ATXN10: variants seen among roughly 807,000 people sequenced by gnomAD.
The protein encoded by ATXN10 is ataxin 10.
Under a neutral mutation model 52.9 loss-of-function variants are expected in ATXN10, and 28 were observed. The ratio of observed to expected loss-of-function variants is 0.53; its 90% CI spans 0.39 to 0.73. The LOEUF is 0.73. Ranked by LOEUF, ATXN10 falls within the 30% of genes least tolerant of loss-of-function variation. ATXN10 has a pLI of 0.00. For missense variants in ATXN10, 565 were observed against 577.0 expected, an observed-to-expected ratio of 0.98 and a Z score of 0.21; for synonymous variants, 226 against 221.5, an observed-to-expected ratio of 1.02 and a Z score of -0.18.
At chr22:45,799,086 T>TG (rs1927846059) in intron 9 of ATXN10, among the ~76,000 whole-genome samples, 1 of 45,318 alleles carries the variant, frequency 2.2e-5, no homozygotes, top group Non-Finnish European at 4.5e-5. Flanking sequence ...TTTTGTTTTT[T>TG]GTTTTTCTTT....
chr22:45,793,762 C>A, intron 9 of ATXN10: 1 of 1,408,334 alleles, frequency 7.1e-7, no homozygotes, highest in East Asian at 2.9e-5. Flanking sequence ...CTGCCTTTCC[C>A]CAGTGATGCA....
At chr22:45,693,138 C>G in intron 3 of ATXN10, 60 bp downstream of exon 3, 1 of 1,348,696 alleles carries the variant, frequency 7.4e-7, no homozygotes. Context: ...AAAACCAGTA[C>G]TTTGAGTATT....
chr22:45,698,806 A>G (rs1051924102), intron 3 of ATXN10, among the ~76,000 whole-genome samples: 2 of 152,240 alleles, frequency 1.3e-5, no homozygotes, highest in Non-Finnish European at 2.9e-5. Flanking sequence ...TTTGGATTCA[A>G]CAGTGAAACT....
At position 45,790,639 on chromosome 22, in the gene ATXN10, C is replaced by T. The variant is rs143480077; in HGVS notation, c.1174-16320C>T. Among the ~76,000 whole-genome samples the T allele has an allele frequency of 2.1e-4, 32 of 152,322 alleles. No individual in the cohort carries two copies. Among genetic ancestry groups the T allele is most frequent in the African/African-American group, 7.7e-4 (32 of 41,568 alleles). On this transcript the variant is annotated intron_variant, in intron 9 of 11. Transcript: ENST00000252934. This position sits in a 1 kb window ranked among gnomAD's most constrained non-coding sequence, Gnocchi z 4.7. ...CTCCTCAGTAATTTCTTGGATCTTGCTGTCAGTAATTCCAGTGAGTCAAGA... is the reference window on the plus strand; with the variant it reads ...CTCCTCAGTAATTTCTTGGATCTTGTTGTCAGTAATTCCAGTGAGTCAAGA...
At chr22:45,746,317 T>G (rs1451173771) in intron 9 of ATXN10, among the ~76,000 whole-genome samples, 2 of 151,174 alleles carry the variant, frequency 1.3e-5, no homozygotes, top group Non-Finnish European at 2.9e-5. Context: ...TTAACTCCTT[T>G]ATTATTTCCT....
Position 45,826,860 on chromosome 22 carries a change from T to C in ATXN10, c.1238-16131T>C, listed in dbSNP as rs1202055716. On this transcript the variant is annotated intron_variant, in intron 10 of 11. Transcript: ENST00000252934. This position sits in a 1 kb window ranked among gnomAD's most constrained non-coding sequence, Gnocchi z 5.0. ...CTATATGAAGAAATAAAGATCTCAA[T>C]AGAGATAAATTCATGAGCAATATAC... Among the ~76,000 whole-genome samples the C allele has an allele frequency of 6.6e-6, 1 of 152,204 alleles. No homozygotes were observed. Among genetic ancestry groups the C allele is most frequent in the Non-Finnish European group, 1.5e-5 (1 of 68,036 alleles).
chr22:45,798,934 C>T (rs1256360476), intron 9 of ATXN10, among the ~76,000 whole-genome samples: 1 of 152,170 alleles, frequency 6.6e-6, no homozygotes, highest in East Asian at 1.9e-4. Flanking sequence ...ATGTGCAAGA[C>T]CTATACTCTG....
In ATXN10 at chr22:45,816,166, T is replaced by C. The variant is rs1727263658; in HGVS notation, c.1237+9144T>C. 6.6e-6 allele frequency among the ~76,000 whole-genome samples: 1 copy of C among 152,160 alleles called. No homozygotes were observed. Among genetic ancestry groups the C allele is most frequent in the Admixed American group, 6.5e-5 (1 of 15,280 alleles). Reference sequence around the variant, plus strand: ...TACTCGGGAGGCTGAGGCAGGAGAATCGCTTGAACCTGCAAGGCGCAGGTT... The same window carrying C: ...TACTCGGGAGGCTGAGGCAGGAGAACCGCTTGAACCTGCAAGGCGCAGGTT... On this transcript the variant is annotated intron_variant, in intron 10 of 11. Coordinates refer to ENST00000252934, the MANE Select transcript of ATXN10 (RefSeq NM_013236.4). This position sits in a 1 kb window ranked among gnomAD's most constrained non-coding sequence, Gnocchi z 5.8.
rs185632335 is a variant in ATXN10, at chr22:45,760,759, C to T, written c.1173+20221C>T. 3.3e-4 allele frequency among the ~76,000 whole-genome samples: 50 copies of T among 152,164 alleles called. No homozygotes were observed. The East Asian group carries it at 6.8e-3, about 21-fold the overall frequency. On this transcript the variant is annotated intron_variant, in intron 9 of 11. Transcript: ENST00000252934. ...GAATGGTTCAGTAGTGTACCCAAGG[C>T]CACACAGCTGTTAAGTGGCATGAGA...
chr22:45,831,605 A>G (rs1274581997), intron 10 of ATXN10, among the ~76,000 whole-genome samples: 1 of 152,178 alleles, frequency 6.6e-6, no homozygotes, highest in African/African-American at 2.4e-5. Context: ...CATCCATCCT[A>G]TGAAACAATA....
At chr22:45,746,941 C>T (rs1486870119) in intron 9 of ATXN10, among the ~76,000 whole-genome samples, 1 of 152,074 alleles carries the variant, frequency 6.6e-6, no homozygotes, top group Non-Finnish European at 1.5e-5. Flanking sequence ...AACTGATCAC[C>T]AGCAGAACTG....
chr22:45,692,413 G>A (rs934945673), intron 2 of ATXN10, among the ~76,000 whole-genome samples: 2 of 151,942 alleles, frequency 1.3e-5, no homozygotes, highest in African/African-American at 4.8e-5. Context: ...TCCCTTCTAG[G>A]ATTGTATTAT....
chr22:45,717,607 T>C (rs557954318), intron 5 of ATXN10, among the ~76,000 whole-genome samples: 2 of 152,338 alleles, frequency 1.3e-5, no homozygotes, highest in Admixed American at 6.5e-5. Flanking sequence ...TTATGTGAAG[T>C]GACAGTGTAT....
At chr22:45,751,763 A>AAAAAAAAAAAAAATAAT in intron 9 of ATXN10, among the ~76,000 whole-genome samples, 81 of 66,574 alleles carry the variant, frequency 1.2e-3, no homozygotes, top group Non-Finnish European at 1.8e-3. Context: ...AATAAAAAAA[A>AAAAAAAAAAAAAATAAT]AATAATAATA....
In ATXN10 at chr22:45,828,768, A is replaced by G. The variant is rs9626455; in HGVS notation, c.1238-14223A>G. 0.038 allele frequency among the ~76,000 whole-genome samples: 5,761 copies of G among 152,270 alleles called. 385 individuals carry two copies. Among genetic ancestry groups the G allele is most frequent in the African/African-American group, 0.13 (5,494 of 41,512 alleles). On this transcript the variant is annotated intron_variant, in intron 10 of 11. Transcript: ENST00000252934. This position sits in a 1 kb window ranked among gnomAD's most constrained non-coding sequence, Gnocchi z 4.5. Reference sequence around the variant, plus strand: ...TTATAGTAAGACAATTAAATCAGCAATGAAAAATCTCACAAAGAAAAGCCC... The same window carrying G: ...TTATAGTAAGACAATTAAATCAGCAGTGAAAAATCTCACAAAGAAAAGCCC...
chr22:45,798,968 GAA>G (rs1927841061), intron 9 of ATXN10, among the ~76,000 whole-genome samples: 1 of 152,122 alleles, frequency 6.6e-6, no homozygotes, highest in Non-Finnish European at 1.5e-5. Context: ...ATTGCTGAGA[GAA>G]GTTAAAATTT....
At chr22:45,812,583 G>A (rs942610483) in intron 10 of ATXN10, among the ~76,000 whole-genome samples, 2 of 152,062 alleles carry the variant, frequency 1.3e-5, no homozygotes, top group East Asian at 1.9e-4. Context: ...TTAAAATTTG[G>A]TTTAACCCAT....
chr22:45,831,709 A>G (rs550241739), intron 10 of ATXN10, among the ~76,000 whole-genome samples: 127 of 152,368 alleles, frequency 8.3e-4, no homozygotes, highest in Middle Eastern at 3.4e-3. Context: ...CAGCAATGCA[A>G]TTTGAACCTC....
In ATXN10 at chr22:45,690,036, G is replaced by A. The variant is rs1021151745; in HGVS notation, c.308+133G>A. The A allele has an allele frequency of 4.5e-6, 4 of 890,030 alleles. No individual in the cohort carries two copies. Among genetic ancestry groups the A allele is most frequent in the Non-Finnish European group, 5.4e-6 (3 of 559,304 alleles). 55.1% of individuals were successfully genotyped at this position (890,030 alleles called of 1,614,324 possible). A position where few individuals can be genotyped will look rare whatever the true frequency, so the allele number is the denominator to read the frequency against. On this transcript the variant is annotated intron_variant, in intron 2 of 11. Coordinates refer to ENST00000252934, the MANE Select transcript of ATXN10 (RefSeq NM_013236.4). This position sits in a 1 kb window ranked among gnomAD's most constrained non-coding sequence, Gnocchi z 4.5. ...GCCTGTAATCCCAGCATTTTGGGAG[G>A]CTGAGGCAGGAGGATTGCTTGAGTC...
Sources: allele counts gnomAD v4.1 joint callset (sites outside exome capture counted in the v4.1 genomes callset), GRCh38; gene constraint gnomAD v4.1.1; non-coding constraint Gnocchi (gnomAD v3.1); transcripts MANE v1.5; gene names NCBI Gene and HGNC (gene_info 2026-07-23, HGNC 2026-07-21).